Variants in CYP7B1 observed in about 807,000 individuals in gnomAD.
CYP7B1 encodes cytochrome P450 family 7 subfamily B member 1.
Under a neutral mutation model 42.7 loss-of-function variants are expected in CYP7B1, and 29 were observed. The observed-to-expected ratio is 0.68, with a 90% CI of 0.51 to 0.93. The LOEUF (loss-of-function observed/expected upper bound fraction) is 0.93, where lower values mean the gene tolerates loss of function less well. CYP7B1 is among the 40% of genes least tolerant of loss of function. The pLI, the probability that CYP7B1 is intolerant of heterozygous loss-of-function variation, is 0.00. For missense variants in CYP7B1, 655 were observed against 600.5 expected, an observed-to-expected ratio of 1.09 and a Z score of -0.95; for synonymous variants, 235 against 218.2, an observed-to-expected ratio of 1.08 and a Z score of -0.68.
chr8:64,714,750 G>A, intron 1 of CYP7B1, among the ~76,000 whole-genome samples: 1 of 151,846 alleles, frequency 6.6e-6, no homozygotes. Flanking sequence ...TCTACTCTCA[G>A]GATAAATGAC....
At chr8:64,733,956 C>T (rs1214368608) in intron 1 of CYP7B1, among the ~76,000 whole-genome samples, 3 of 151,680 alleles carry the variant, frequency 2.0e-5, no homozygotes, top group Admixed American at 1.3e-4. Flanking sequence ...GGCAACAGAG[C>T]CAGACCCCAT....
intron 1 of CYP7B1, among the ~76,000 whole-genome samples, chr8:64,722,522 T>C (rs1207517166): frequency 1.3e-5 from 2 of 152,142 alleles, no homozygotes; most frequent in Non-Finnish European, 2.9e-5. Context: ...ATAATTTTAA[T>C]GCTTTTACTT....
chr8:64,760,707 T>C (rs1807876495), intron 1 of CYP7B1, among the ~76,000 whole-genome samples: 2 of 152,112 alleles, frequency 1.3e-5, no homozygotes, highest in South Asian at 4.2e-4. Flanking sequence ...TAACAAGTAT[T>C]GATGAGGGTG....
chr8:64,598,875 G>A (rs1257932483), intron 5 of CYP7B1, among the ~76,000 whole-genome samples: 1 of 152,212 alleles, frequency 6.6e-6, no homozygotes, highest in East Asian at 1.9e-4. Flanking sequence ...AATGGCCACT[G>A]TCTTTAGCTC....
At chr8:64,727,866 C>T (rs1285112399) in intron 1 of CYP7B1, 1 of 152,158 alleles carries the variant, frequency 6.6e-6, no homozygotes, top group Non-Finnish European at 1.5e-5. Context: ...GGATTCCAAC[C>T]TTTTAAGAAG....
chr8:64,726,704 C>T (rs1173794486), intron 1 of CYP7B1, among the ~76,000 whole-genome samples: 2 of 152,132 alleles, frequency 1.3e-5, no homozygotes, highest in Non-Finnish European at 2.9e-5. Context: ...ATACAGATAA[C>T]CATCACTATT....
downstream of CYP7B1, among the ~76,000 whole-genome samples, chr8:64,587,970 C>T (rs1804990993): frequency 6.6e-6 from 1 of 152,206 alleles, no homozygotes; most frequent in Admixed American, 6.5e-5. Flanking sequence ...ATGTGTTATT[C>T]TCCTTCTCAG....
intron 5 of CYP7B1, among the ~76,000 whole-genome samples, chr8:64,599,391 C>T (rs1231008323): frequency 1.3e-5 from 2 of 152,014 alleles, no homozygotes; most frequent in Non-Finnish European, 2.9e-5. Flanking sequence ...GGTTTCACCG[C>T]GTTAACCAGG....
chr8:64,738,754 C>G (rs1462104385), intron 1 of CYP7B1, among the ~76,000 whole-genome samples: 1 of 152,168 alleles, frequency 6.6e-6, no homozygotes, highest in Non-Finnish European at 1.5e-5. Context: ...CAAACTGCCA[C>G]CCCAAAATCT....
chr8:64,631,279 C>G (rs1374029004), intron 1 of CYP7B1, among the ~76,000 whole-genome samples: 1 of 152,012 alleles, frequency 6.6e-6, no homozygotes, highest in African/African-American at 2.4e-5. Context: ...AAGGCTGGTT[C>G]AACATTCAAA....
intron 1 of CYP7B1, among the ~76,000 whole-genome samples, chr8:64,694,576 G>T (rs182442210): frequency 6.6e-6 from 1 of 152,246 alleles, no homozygotes; most frequent in Admixed American, 6.5e-5. Context: ...AGACAGAAAG[G>T]AGAGGAAGAG....
chr8:64,621,365 C>A (rs1805526694), intron 2 of CYP7B1, among the ~76,000 whole-genome samples: 1 of 152,174 alleles, frequency 6.6e-6, no homozygotes, highest in Non-Finnish European at 1.5e-5. Flanking sequence ...AGTAACTCGA[C>A]CCTGGAGAAG....
At chr8:64,619,277 T>A (rs780779868) in intron 2 of CYP7B1, among the ~76,000 whole-genome samples, 1 of 152,164 alleles carries the variant, frequency 6.6e-6, no homozygotes, top group Admixed American at 6.6e-5. Flanking sequence ...CTGAAGGCCG[T>A]GTATTCTTGC....
chr8:64,785,194 C>T (rs1804501728), intron 1 of CYP7B1, among the ~76,000 whole-genome samples: 1 of 152,162 alleles, frequency 6.6e-6, no homozygotes, highest in Non-Finnish European at 1.5e-5. Flanking sequence ...AAATCCAAAA[C>T]ACTGACACCA....
chr8:64,616,366 T>C (rs1258238434), intron 2 of CYP7B1, 85 bp from the exon 3 acceptor site: 1 of 919,374 alleles, frequency 1.1e-6, no homozygotes, highest in East Asian at 2.6e-5. Flanking sequence ...AATATGTTAA[T>C]CAAAATTAGA....
chr8:64,610,329 T>C (rs1394236023), intron 4 of CYP7B1, among the ~76,000 whole-genome samples: 3 of 152,174 alleles, frequency 2.0e-5, no homozygotes, highest in Non-Finnish European at 4.4e-5. Flanking sequence ...TCTGATGTAC[T>C]TCTTTGTGGA....
intron 1 of CYP7B1, among the ~76,000 whole-genome samples, chr8:64,764,171 T>C (rs1807934189): frequency 6.6e-6 from 1 of 151,968 alleles, no homozygotes; most frequent in Non-Finnish European, 1.5e-5. Flanking sequence ...GCTAGGAAGA[T>C]TGCTCTCCCA....
At chr8:64,737,235 TG>T (rs1807503444) in intron 1 of CYP7B1, among the ~76,000 whole-genome samples, 1 of 152,164 alleles carries the variant, frequency 6.6e-6, no homozygotes, top group African/African-American at 2.4e-5. Flanking sequence ...CCCGAGTAAT[TG>T]GAACTACAGG....
At chr8:64,616,793 G>A (rs62521080) in intron 2 of CYP7B1, among the ~76,000 whole-genome samples, 10,372 of 152,240 alleles carry the variant, frequency 0.068, 454 homozygotes, top group Non-Finnish European at 0.1. Flanking sequence ...ACAAATAAAT[G>A]TCTAATTCAA....
Sources: allele counts gnomAD v4.1 joint callset (sites outside exome capture counted in the v4.1 genomes callset), GRCh38; gene constraint gnomAD v4.1.1; transcripts MANE v1.5; gene names NCBI Gene and HGNC (gene_info 2026-07-23, HGNC 2026-07-21).